ANKIB1: variants seen among roughly 807,000 people sequenced by gnomAD.
ANKIB1 encodes ankyrin repeat and IBR domain-containing protein 1.
In ANKIB1, 43 loss-of-function variants were observed where a neutral mutation model predicts 122.1. That is an observed-to-expected ratio of 0.35 (90% CI 0.28 to 0.45). The LOEUF is 0.45. Among genes scored for constraint, ANKIB1 ranks in the 20% least tolerant of loss-of-function variants. ANKIB1 has a pLI of 1.00. For synonymous variants in ANKIB1, 390 were observed against 442.0 expected, an observed-to-expected ratio of 0.88 and a Z score of 1.48; for missense variants, 992 against 1,329.5, an observed-to-expected ratio of 0.75 and a Z score of 3.95.
At chr7:92,319,738 G>GA in intron 4 of ANKIB1, 1 of 481,250 alleles carries the variant, frequency 2.1e-6, no homozygotes, top group Non-Finnish European at 3.6e-6. Context: ...GGAGTTCTGA[G>GA]ACCAGCCTGG....
rs1275236308 is a variant in ANKIB1 at position 92,343,144 on chromosome 7, C to A, written c.908C>A (p.Pro303Gln). Reference sequence around the variant, plus strand: ...GGGTATAATGCCTGGGACACGCTCCCATCTCCAAGAACTCCAAGGACTACA... The same window carrying A: ...GGGTATAATGCCTGGGACACGCTCCAATCTCCAAGAACTCCAAGGACTACA... ...PSGYNAWDTL[P>Q]SPRTPRTTRS... Residue 303 changes from proline to glutamine, a missense_variant, in exon 6 of 20, where the codon CCA (proline) becomes CAA (glutamine). By Grantham distance (76) the Pro-to-Gln change is moderately conservative (BLOSUM62 -1). Around this residue, in one of 4 missense-constraint regions of ANKIB1, gnomAD observed 521 missense variants for 777.7 expected, o/e 0.67. Transcript: ENST00000265742. 6.2e-7 allele frequency: 1 copy of A among 1,613,838 alleles called. No individual in the cohort carries two copies. Among genetic ancestry groups the A allele is most frequent in the African/African-American group, 1.3e-5 (1 of 74,910 alleles).
intron 4 of ANKIB1, among the ~76,000 whole-genome samples, chr7:92,322,465 C>G (rs1802932566): frequency 6.6e-6 from 1 of 151,992 alleles, no homozygotes; most frequent in Non-Finnish European, 1.5e-5. Flanking sequence ...ATTATTTTGT[C>G]TATTTTCATG....
chr7:92,284,779 C>A (rs1378303769), intron 1 of ANKIB1, among the ~76,000 whole-genome samples: 1 of 151,916 alleles, frequency 6.6e-6, no homozygotes, highest in Non-Finnish European at 1.5e-5. Context: ...ATAATTTGTA[C>A]GTGATTGCGT....
At chr7:92,334,748 TA>T (rs1803250901) in intron 5 of ANKIB1, among the ~76,000 whole-genome samples, 1 of 151,972 alleles carries the variant, frequency 6.6e-6, no homozygotes, top group African/African-American at 2.4e-5. Context: ...AATATACTTT[TA>T]AAAATTAATG....
At chr7:92,392,183 T>G in intron 16 of ANKIB1, 58 bp from the exon 17 acceptor site, 5 of 1,419,760 alleles carry the variant, frequency 3.5e-6, no homozygotes, top group African/African-American at 1.4e-5. Context: ...AAGGATCTGA[T>G]TGTATATACT....
intron 9 of ANKIB1, among the ~76,000 whole-genome samples, chr7:92,358,175 G>A (rs1803864185): frequency 6.6e-6 from 1 of 152,168 alleles, no homozygotes; most frequent in Non-Finnish European, 1.5e-5. Flanking sequence ...CGAGGAGGCG[G>A]AGGTTACAGT....
intron 2 of ANKIB1, among the ~76,000 whole-genome samples, chr7:92,300,623 A>T (rs996982985): frequency 2.0e-5 from 3 of 151,586 alleles, no homozygotes; most frequent in Non-Finnish European, 4.4e-5. Flanking sequence ...GTGATGTTTT[A>T]ATATATATAT....
intron 9 of ANKIB1, among the ~76,000 whole-genome samples, chr7:92,359,945 G>A (rs1008008427): frequency 1.3e-5 from 2 of 152,112 alleles, no homozygotes; most frequent in African/African-American, 4.8e-5. Context: ...TTGAATGTCT[G>A]TTAAGCTACC....
At chr7:92,300,276 T>C (rs747741772) in intron 2 of ANKIB1, among the ~76,000 whole-genome samples, 31 of 152,352 alleles carry the variant, frequency 2.0e-4, no homozygotes, top group Non-Finnish European at 4.4e-4. Context: ...TATTCTCTTT[T>C]ACTTACCAGT....
chr7:92,374,269 G>C (rs976724975), intron 11 of ANKIB1, among the ~76,000 whole-genome samples: 1 of 152,198 alleles, frequency 6.6e-6, no homozygotes, highest in Non-Finnish European at 1.5e-5. Context: ...CTGAGGACAG[G>C]AGTTTGAGAC....
rs911348921 is a variant in ANKIB1, at chr7:92,255,821, C to T, written c.-91+9302C>T. On this transcript the variant is annotated intron_variant, in intron 1 of 19. Transcript: ENST00000265742. ...ACGGAAATAAACATGATTATATTCT[C>T]AAATTGGAACTGTTGGGAACATGGG... Among the ~76,000 whole-genome samples the T allele has an allele frequency of 1.2e-4, 18 of 152,102 alleles. 1 individual carries two copies. The highest frequency in any genetic ancestry group is 3.9e-4 in the African/African-American group (16 of 41,482).
At chr7:92,309,942 A>AATATATATATATATATATATATATAT (rs1162113763) in intron 3 of ANKIB1, among the ~76,000 whole-genome samples, 14 of 91,728 alleles carry the variant, frequency 1.5e-4, no homozygotes, top group East Asian at 4.6e-4. Context: ...AAAAAAAAAA[A>AATATATATATATATATATATATATAT]ATATATATAT....
chr7:92,335,008 A>C (rs1028822311), intron 5 of ANKIB1, among the ~76,000 whole-genome samples: 2 of 152,006 alleles, frequency 1.3e-5, no homozygotes, highest in African/African-American at 4.8e-5. Context: ...TATTTAAAGT[A>C]AAGTCCAATG....
At chr7:92,259,106 A>G (rs1400837722) in intron 1 of ANKIB1, among the ~76,000 whole-genome samples, 1 of 152,044 alleles carries the variant, frequency 6.6e-6, no homozygotes, top group African/African-American at 2.4e-5. Flanking sequence ...GATGCATGCC[A>G]CCACACCTGG....
chr7:92,387,748 TA>T (rs1232403366), intron 12 of ANKIB1, 49 bp from the exon 13 acceptor site: 4 of 1,400,320 alleles, frequency 2.9e-6, no homozygotes, highest in Non-Finnish European at 4.0e-6. Flanking sequence ...AAAACTATTT[TA>T]GTAGCTACTA....
intron 1 of ANKIB1, among the ~76,000 whole-genome samples, chr7:92,270,567 A>G (rs565024661): frequency 5.8e-4 from 89 of 152,268 alleles, no homozygotes; most frequent in Non-Finnish European, 1.1e-3. Context: ...ATACAGTTCT[A>G]TGAATTTTAA....
intron 1 of ANKIB1, among the ~76,000 whole-genome samples, chr7:92,272,996 T>C (rs964180444): frequency 2.0e-5 from 3 of 152,196 alleles, no homozygotes; most frequent in African/African-American, 4.8e-5. Context: ...AGAAAAATTA[T>C]AGTGAAAATA....
At chr7:92,253,738 G>A (rs1465872564) in intron 1 of ANKIB1, among the ~76,000 whole-genome samples, 1 of 151,026 alleles carries the variant, frequency 6.6e-6, no homozygotes, top group Middle Eastern at 3.2e-3. Context: ...ATTTCATTGT[G>A]CATGTGAGTA....
At chr7:92,269,573 A>T (rs796127962) in intron 1 of ANKIB1, among the ~76,000 whole-genome samples, 2 of 152,206 alleles carry the variant, frequency 1.3e-5, no homozygotes, top group Non-Finnish European at 2.9e-5. Flanking sequence ...TCCTGTTAAC[A>T]AACATTTTAT....
Sources: allele counts gnomAD v4.1 joint callset (sites outside exome capture counted in the v4.1 genomes callset), GRCh38; gene constraint gnomAD v4.1.1; regional missense constraint gnomAD v4.1.1; transcripts MANE v1.5; gene names NCBI Gene and HGNC (gene_info 2026-07-23, HGNC 2026-07-21).